The following SHROOM4 variants were observed in gnomAD, a reference collection of about 807,000 sequenced individuals.
The protein encoded by SHROOM4 is protein Shroom4.
SHROOM4 carries 17 observed loss-of-function variants against 80.3 expected under a neutral mutation model. The ratio of observed to expected loss-of-function variants is 0.21; its 90% CI spans 0.14 to 0.32. SHROOM4 has a LOEUF of 0.32. SHROOM4 is among the 10% of genes least tolerant of loss of function. The pLI is 1.00. For missense variants in SHROOM4, 993 were observed against 1,140.3 expected, an observed-to-expected ratio of 0.87 and a Z score of 1.86; for synonymous variants, 400 against 437.5, an observed-to-expected ratio of 0.91 and a Z score of 1.07.
intron 1 of SHROOM4, among the ~76,000 whole-genome samples, chrX:50,707,253 T>C (rs926906042): frequency 4.5e-5 from 5 of 112,252 alleles, no homozygotes; most frequent in Admixed American, 2.8e-4. Flanking sequence ...ACTATAGTTC[T>C]TTCCTTAAAA....
intron 1 of SHROOM4, among the ~76,000 whole-genome samples, chrX:50,808,932 A>G (rs1294925543): frequency 6.3e-5 from 7 of 110,720 alleles, no homozygotes; most frequent in African/African-American, 2.3e-4. Flanking sequence ...CAAAAGTAGT[A>G]TCGACTCAAA....
rs1227431501 is a variant in SHROOM4 at position 50,590,413 on chromosome X, A to AT, written c.*6281dup. On this transcript the variant is annotated 3_prime_UTR_variant, in exon 9 of 9. Coordinates refer to ENST00000376020, the MANE Select transcript of SHROOM4 (RefSeq NM_020717.5). ...AGGCACCTGCCACCATGCCCTGCTAATTTTTTTGTATTTTTTTTAGTAGAG... is the reference window on the plus strand; with the variant it reads ...AGGCACCTGCCACCATGCCCTGCTAATTTTTTTTGTATTTTTTTTAGTAGAG... Among the ~76,000 whole-genome samples the AT allele has an allele frequency of 1.8e-5, 2 of 110,281 alleles. No homozygotes were observed. Among genetic ancestry groups the AT allele is most frequent in the South Asian group, 3.9e-4 (1 of 2,539 alleles).
At chrX:50,719,940 G>T (rs530889752) in intron 1 of SHROOM4, among the ~76,000 whole-genome samples, 2 of 112,106 alleles carry the variant, frequency 1.8e-5, no homozygotes, top group African/African-American at 6.5e-5. Flanking sequence ...TATTGCTCTG[G>T]TTCCAAATGG....
At chrX:50,773,786 T>C (rs1162628990) in intron 1 of SHROOM4, among the ~76,000 whole-genome samples, 1 of 112,643 alleles carries the variant, frequency 8.9e-6, no homozygotes, top group Admixed American at 9.4e-5. Flanking sequence ...GTTTAAACTA[T>C]GTCTGACTGA....
intron 5 of SHROOM4, among the ~76,000 whole-genome samples, chrX:50,625,481 T>C (rs1454219990): frequency 1.8e-5 from 2 of 111,989 alleles, no homozygotes; most frequent in South Asian, 3.8e-4. Context: ...TCTATACCTA[T>C]AGATAAAGCT....
chrX:50,766,572 TG>T lies in SHROOM4; in HGVS notation c.117+47329del, dbSNP rs782470543. Among the ~76,000 whole-genome samples, 326 of 111,034 alleles carry T rather than the reference TG, an allele frequency of 2.9e-3. 2 individuals carry two copies. The highest frequency in any genetic ancestry group is 4.8e-3 in the Non-Finnish European group (252 of 53,033). On this transcript the variant is annotated intron_variant, in intron 1 of 8. Coordinates refer to ENST00000376020, the MANE Select transcript of SHROOM4 (RefSeq NM_020717.5). Reference sequence around the variant, plus strand: ...ACCATACACTTGAATAAATTCCAGATGGGCCCAAAAATTAAACACAAAAAAG... The same window carrying T: ...ACCATACACTTGAATAAATTCCAGATGGCCCAAAAATTAAACACAAAAAAG...
intron 1 of SHROOM4, among the ~76,000 whole-genome samples, chrX:50,734,106 T>C (rs1934427894): frequency 8.9e-6 from 1 of 112,028 alleles, no homozygotes; most frequent in African/African-American, 3.2e-5. Context: ...CTAAATATTG[T>C]TGAAAGAAAT....
chrX:50,627,810 C>T, intron 4 of SHROOM4, 135 bp from the exon 5 acceptor site: 4 of 536,214 alleles, frequency 7.5e-6, no homozygotes, highest in Non-Finnish European at 1.3e-5. Flanking sequence ...GCTATGCAGG[C>T]TGAGAAATTT....
intron 1 of SHROOM4, among the ~76,000 whole-genome samples, chrX:50,724,362 A>G (rs781789648): frequency 8.0e-5 from 9 of 113,175 alleles, no homozygotes; most frequent in Non-Finnish European, 1.5e-4. Flanking sequence ...TCTAATGTAC[A>G]GAACTGTAAA....
intron 2 of SHROOM4, among the ~76,000 whole-genome samples, chrX:50,684,558 T>TA (rs1933021147): frequency 8.9e-6 from 1 of 111,994 alleles, no homozygotes; most frequent in South Asian, 3.8e-4. Context: ...AGTTCATTGC[T>TA]TTTCAAAATA....
At chrX:50,579,502 T>G in the SHROOM4 span, among the ~76,000 whole-genome samples, 1 of 111,975 alleles carries the variant, frequency 8.9e-6, no homozygotes, top group East Asian at 2.8e-4. Context: ...CCCTATAATT[T>G]ATGGGGAATG....
intron 2 of SHROOM4, among the ~76,000 whole-genome samples, chrX:50,677,758 T>C (rs1020394419): frequency 9.0e-6 from 1 of 111,711 alleles, no homozygotes; most frequent in East Asian, 2.8e-4. Flanking sequence ...TTCCAGGCTC[T>C]GAAGCCACGT....
chrX:50,613,699 C>T (rs185410347), intron 5 of SHROOM4, among the ~76,000 whole-genome samples: 9 of 111,968 alleles, frequency 8.0e-5, no homozygotes, highest in Non-Finnish European at 1.3e-4. Flanking sequence ...TTCCTAGCAA[C>T]GATGACTCAA....
At chrX:50,651,833 T>C (rs1350765863) in intron 2 of SHROOM4, among the ~76,000 whole-genome samples, 2 of 109,653 alleles carry the variant, frequency 1.8e-5, no homozygotes, top group African/African-American at 6.7e-5. Context: ...ACATGTGGTG[T>C]TTGGTTTTCT....
At chrX:50,780,584 G>GCACAAAAGCAC (rs1935605237) in intron 1 of SHROOM4, among the ~76,000 whole-genome samples, 1 of 111,617 alleles carries the variant, frequency 9.0e-6, no homozygotes, top group Non-Finnish European at 1.9e-5. Flanking sequence ...CACTATATGG[G>GCACAAAAGCAC]TTAGTAGCAA....
chrX:50,704,013 G>T (rs1238861526), intron 1 of SHROOM4, among the ~76,000 whole-genome samples: 2 of 111,554 alleles, frequency 1.8e-5, no homozygotes, highest in African/African-American at 6.5e-5. Context: ...GAGTGCAAGT[G>T]AATTTGCTCC....
the SHROOM4 span, among the ~76,000 whole-genome samples, chrX:50,578,329 C>T: frequency 0.02 from 2,252 of 112,190 alleles, 43 homozygotes; most frequent in African/African-American, 0.065. Flanking sequence ...TTTTTTGAGA[C>T]GGAGTCTCGC....
intron 1 of SHROOM4, among the ~76,000 whole-genome samples, chrX:50,810,960 T>G (rs1351934463): frequency 9.0e-6 from 1 of 111,629 alleles, no homozygotes; most frequent in Non-Finnish European, 1.9e-5. Context: ...GAAGCAAAGC[T>G]TCATTTTCCT....
downstream of SHROOM4, among the ~76,000 whole-genome samples, chrX:50,582,179 C>T (rs1557244311): frequency 9.0e-6 from 1 of 111,480 alleles, no homozygotes; most frequent in Admixed American, 9.6e-5. Flanking sequence ...AAAAAGCAGC[C>T]AGCCATAAGT....
Sources: allele counts gnomAD v4.1 joint callset (sites outside exome capture counted in the v4.1 genomes callset), GRCh38; gene constraint gnomAD v4.1.1; transcripts MANE v1.5; gene names NCBI Gene and HGNC (gene_info 2026-07-23, HGNC 2026-07-21).